MAPKAPK2: variants seen among roughly 807,000 people sequenced by gnomAD.
MAPKAPK2 encodes the protein MAPK activated protein kinase 2.
A neutral mutation model predicts 48.8 loss-of-function variants in MAPKAPK2; 9 were observed. The observed-to-expected ratio is 0.18, with a 90% CI of 0.11 to 0.32. MAPKAPK2 has a LOEUF of 0.32. Ranked by LOEUF, MAPKAPK2 falls within the 10% of genes least tolerant of loss-of-function variation. The pLI, the probability that MAPKAPK2 is intolerant of heterozygous loss-of-function variation, is 1.00. For synonymous variants in MAPKAPK2, 202 were observed against 190.6 expected, an observed-to-expected ratio of 1.06 and a Z score of -0.49; for missense variants, 331 against 498.3, an observed-to-expected ratio of 0.66 and a Z score of 3.20.
intron 1 of MAPKAPK2, among the ~76,000 whole-genome samples, chr1:206,707,235 C>A (rs566963091): frequency 9.3e-4 from 142 of 152,150 alleles, no homozygotes; most frequent in Non-Finnish European, 1.8e-3. Context: ...GGACTTCCCC[C>A]ACCCCCAGGC....
Position 206,731,081 on chromosome 1 carries a change from C to T in MAPKAPK2, c.768-57C>T. The T allele has an allele frequency of 6.2e-7, 1 of 1,609,256 alleles. No homozygotes were observed. The highest frequency in any genetic ancestry group is 8.5e-7 in the Non-Finnish European group (1 of 1,175,592). On this transcript the variant is annotated intron_variant, in intron 6 of 9. Transcript: ENST00000367103. The surrounding 1 kb of genome is among the most constrained non-coding windows in gnomAD (Gnocchi z 5.9). ...CCTGTTTCTCATCCTGTTCCTGGTACAGGGCCACTAAGTGACAGCTGTTCT... is the reference window on the plus strand; with the variant it reads ...CCTGTTTCTCATCCTGTTCCTGGTATAGGGCCACTAAGTGACAGCTGTTCT...
intron 1 of MAPKAPK2, among the ~76,000 whole-genome samples, chr1:206,687,850 A>G (rs1022025226): frequency 6.6e-6 from 1 of 152,192 alleles, no homozygotes; most frequent in Non-Finnish European, 1.5e-5. Flanking sequence ...TCTATTCTAC[A>G]GTGTGCCGAG....
At chr1:206,723,196 C>T (rs1673590479) in intron 1 of MAPKAPK2, among the ~76,000 whole-genome samples, 2 of 152,184 alleles carry the variant, frequency 1.3e-5, no homozygotes, top group Non-Finnish European at 2.9e-5. Flanking sequence ...TCCCCGTGTC[C>T]TGGGGTCCCC....
chr1:206,696,255 C>G, intron 1 of MAPKAPK2: 1 of 1,349,842 alleles, frequency 7.4e-7, no homozygotes, highest in Non-Finnish European at 1.1e-6. Flanking sequence ...TTTCCTTCCC[C>G]TTTCAAGGTG....
intron 1 of MAPKAPK2, among the ~76,000 whole-genome samples, chr1:206,706,464 G>C (rs1553428579): frequency 2.0e-5 from 3 of 152,196 alleles, no homozygotes; most frequent in South Asian, 2.1e-4. Context: ...GGGAGTATTA[G>C]CTGCAGCTGC....
intron 1 of MAPKAPK2, among the ~76,000 whole-genome samples, chr1:206,691,356 GC>G (rs1206607817): frequency 6.6e-6 from 1 of 151,806 alleles, no homozygotes; most frequent in Admixed American, 6.6e-5. Flanking sequence ...GTAAATGGGG[GC>G]ATTGGTGAAG....
intron 1 of MAPKAPK2, among the ~76,000 whole-genome samples, chr1:206,693,991 G>A (rs537987402): frequency 7.0e-4 from 106 of 152,320 alleles, no homozygotes; most frequent in African/African-American, 2.5e-3. Context: ...TGTCCATGGA[G>A]GTGTGGCCTC....
At chr1:206,715,363 C>A (rs1283274999) in intron 1 of MAPKAPK2, among the ~76,000 whole-genome samples, 1 of 152,188 alleles carries the variant, frequency 6.6e-6, no homozygotes, top group Non-Finnish European at 1.5e-5. Context: ...AGACTACTCC[C>A]TTCGGGCCTG....
At position 206,728,993 on chromosome 1, in the gene MAPKAPK2, G is replaced by A. The variant is rs201779884; in HGVS notation, c.420-42G>A. 1,839 of 1,612,024 alleles carry A rather than the reference G, an allele frequency of 1.1e-3. 1 individual carries two copies. The highest frequency in any genetic ancestry group is 1.4e-3 in the Non-Finnish European group (1,708 of 1,178,086). On this transcript the variant is annotated intron_variant, in intron 2 of 9. Transcript: ENST00000367103. ...TTGGGGGGCAGTGGAGAGTGGCGGC[G>A]GGCTGTTGTGTTCTCTGGATCTCAC...
At chr1:206,716,590 A>G (rs1427168882) in intron 1 of MAPKAPK2, among the ~76,000 whole-genome samples, 2 of 152,074 alleles carry the variant, frequency 1.3e-5, no homozygotes, top group Non-Finnish European at 2.9e-5. Context: ...GGACTCAGGT[A>G]TACGTTGCTG....
In MAPKAPK2 at chr1:206,730,697, T is replaced by C; in HGVS notation, c.701T>C (p.Val234Ala). Residue 234 changes from valine (V) to alanine (A), a missense_variant, in exon 6 of 10, where the codon GTG becomes GCG. Physicochemically the swap from Val to Ala is moderately conservative, Grantham distance 64 (BLOSUM62 0). Transcript: ENST00000367103. ...CYTPYYVAPE[V>A]LGPEKYDKSC... ...GACCTTTGATTTGCAGCTCCAGAAG[T>C]GCTGGGTCCAGAGAAGTATGACAAG... 6.3e-7 allele frequency: 1 copy of C among 1,591,364 alleles called. No individual in the cohort carries two copies.
rs566288093 is a variant in MAPKAPK2, at chr1:206,705,226, C to T, written c.279+19718C>T. ...GTATGTATGTTTGCATGTGTATGTA[C>T]GGTGGGTTGGGGGGAGGGGTGTGGC... On this transcript the variant is annotated intron_variant, in intron 1 of 9. Coordinates refer to ENST00000367103, the MANE Select transcript of MAPKAPK2 (RefSeq NM_032960.4). Among the ~76,000 whole-genome samples the T allele has an allele frequency of 2.4e-4, 37 of 151,932 alleles. 1 individual carries two copies. Among genetic ancestry groups the T allele is most frequent in the Non-Finnish European group, 3.4e-4 (23 of 67,970 alleles).
intron 1 of MAPKAPK2, among the ~76,000 whole-genome samples, chr1:206,694,900 G>A (rs4129024): frequency 0.13 from 20,149 of 152,272 alleles, 1,798 homozygotes; most frequent in Non-Finnish European, 0.2. Flanking sequence ...ATGAGCATAT[G>A]TAGTAACCTG....
chr1:206,719,504 A>G (rs1372662109), intron 1 of MAPKAPK2, among the ~76,000 whole-genome samples: 1 of 152,250 alleles, frequency 6.6e-6, no homozygotes, highest in Non-Finnish European at 1.5e-5. Flanking sequence ...GTGTGCACCC[A>G]CGTGAAGGGT....
chr1:206,732,465 C>T lies in MAPKAPK2; in HGVS notation c.1060-110C>T, dbSNP rs1033591656. Reference sequence around the variant, plus strand: ...CTTCTCTCTCTGCTCCCACCCCTGCCGCCCTCACCCTGCCCTTGTTGTCTC... The same window carrying T: ...CTTCTCTCTCTGCTCCCACCCCTGCTGCCCTCACCCTGCCCTTGTTGTCTC... On this transcript the variant is annotated intron_variant, in intron 9 of 9. Coordinates refer to ENST00000367103, the MANE Select transcript of MAPKAPK2 (RefSeq NM_032960.4). This position sits in a 1 kb window ranked among gnomAD's most constrained non-coding sequence, Gnocchi z 4.4. 29 of 1,530,530 alleles carry T rather than the reference C, an allele frequency of 1.9e-5. No individual in the cohort carries two copies. The Middle Eastern group carries it at 7.2e-4, about 38-fold the overall frequency. The allele number at this position is 1,530,530 out of a possible 1,614,324, so 94.8% of individuals were successfully genotyped here.
chr1:206,709,321 C>A (rs1262478571), intron 1 of MAPKAPK2, among the ~76,000 whole-genome samples: 1 of 152,104 alleles, frequency 6.6e-6, no homozygotes, highest in Admixed American at 6.5e-5. Context: ...TCTTTTATAT[C>A]CTGGTTGTCC....
At chr1:206,686,178 G>C (rs1553425583) in intron 1 of MAPKAPK2, among the ~76,000 whole-genome samples, 2 of 152,294 alleles carry the variant, frequency 1.3e-5, no homozygotes, top group Non-Finnish European at 1.5e-5. Context: ...CGCGCGGGGC[G>C]GCTCCGGGGA....
At chr1:206,713,914 T>C (rs1673237627) in intron 1 of MAPKAPK2, among the ~76,000 whole-genome samples, 1 of 152,152 alleles carries the variant, frequency 6.6e-6, no homozygotes, top group Admixed American at 6.5e-5. Context: ...CAGTAAGCGA[T>C]AGCAGGACTG....
intron 1 of MAPKAPK2, among the ~76,000 whole-genome samples, chr1:206,714,955 G>A (rs1178473153): frequency 6.6e-6 from 1 of 152,058 alleles, no homozygotes; most frequent in Non-Finnish European, 1.5e-5. Context: ...AATGTGTGCT[G>A]CCAGAAAGCA....
Sources: gnomAD v4.1 joint callset for allele counts (sites outside exome capture counted in the v4.1 genomes callset) on GRCh38, gnomAD v4.1.1 for gene constraint, Gnocchi (gnomAD v3.1) non-coding constraint, MANE v1.5 for transcripts, NCBI Gene and HGNC (gene_info 2026-07-23, HGNC 2026-07-21) for gene names.